NR1H3: variants seen among roughly 807,000 people sequenced by gnomAD.
The protein encoded by NR1H3 is oxysterols receptor LXR-alpha.
NR1H3 carries 19 observed loss-of-function variants against 48.1 expected under a neutral mutation model. That is an observed-to-expected ratio of 0.40 (90% CI 0.28 to 0.58). The LOEUF (loss-of-function observed/expected upper bound fraction) is 0.58, where lower values mean the gene tolerates loss of function less well. NR1H3 is among the 20% of genes least tolerant of loss of function. The probability of loss-of-function intolerance (pLI) is 0.50; values close to 1 mark genes in which losing one functional copy is unlikely to be tolerated. For missense variants in NR1H3, 486 were observed against 595.9 expected (o/e 0.82, Z 1.92); for synonymous variants, 232 against 227.3 (o/e 1.02, Z -0.19).
intron 1 of NR1H3, chr11:47,250,425 A>C (rs1353123399): frequency 5.3e-5 from 8 of 151,686 alleles, no homozygotes; most frequent in Non-Finnish European, 1.2e-4. Flanking sequence ...AGAAGAAAAG[A>C]AAAAAAAAGA....
upstream of NR1H3, chr11:47,248,867 A>C (rs1019469315): frequency 7.1e-6 from 11 of 1,550,618 alleles, no homozygotes; most frequent in African/African-American, 1.4e-4. Flanking sequence ...ACGCACCCGT[A>C]AGGACACACG....
In NR1H3 at chr11:47,260,494, G is replaced by A. The variant is rs747639895; in HGVS notation, c.318G>A (p.Ser106=). The A allele has an allele frequency of 5.0e-6, 8 of 1,614,246 alleles. No homozygotes were observed. Among genetic ancestry groups the A allele is most frequent in the Middle Eastern group, 1.6e-4 (1 of 6,062 alleles). Residue 106 remains serine, a synonymous_variant, in exon 4 of 10, where the codon TCG becomes TCA. Coordinates refer to ENST00000441012, the MANE Select transcript of NR1H3 (RefSeq NM_005693.4). ...GCAGCGTGTGTGGGGACAAGGCCTCGGGCTTCCACTACAATGTTCTGAGCT... is the reference window on the plus strand; with the variant it reads ...GCAGCGTGTGTGGGGACAAGGCCTCAGGCTTCCACTACAATGTTCTGAGCT... The part of the protein sequence containing the change: ...ELCSVCGDKA[S]GFHYNVLSCE...
upstream of NR1H3, chr11:47,257,650 G>C: frequency 2.0e-6 from 2 of 985,648 alleles, no homozygotes; most frequent in Non-Finnish European, 2.4e-6. Context: ...CTATGGAGGG[G>C]AGGGAACACG....
At chr11:47,254,617 G>A (rs1484158347), upstream of NR1H3, among the ~76,000 whole-genome samples, 3 of 152,128 alleles carry the variant, frequency 2.0e-5, no homozygotes, top group Non-Finnish European at 2.9e-5. Flanking sequence ...GGGAACAAAA[G>A]CAAAAGCTGG....
chr11:47,263,630 T>G (rs1032722941), intron 7 of NR1H3, among the ~76,000 whole-genome samples: 1 of 146,752 alleles, frequency 6.8e-6, no homozygotes, highest in African/African-American at 2.5e-5. Flanking sequence ...TTGAGATGGA[T>G]TCTCACTCTG....
At chr11:47,252,084 A>G (rs1300271290) in intron 1 of NR1H3, among the ~76,000 whole-genome samples, 2 of 152,008 alleles carry the variant, frequency 1.3e-5, no homozygotes, top group Non-Finnish European at 2.9e-5. Flanking sequence ...AAAAAAACAC[A>G]TGTAGATAGA....
chr11:47,258,296 G>A, intron 1 of NR1H3, 167 bp downstream of exon 1: 1 of 673,142 alleles, frequency 1.5e-6, no homozygotes, highest in Non-Finnish European at 1.8e-6. Flanking sequence ...TAACTCATGA[G>A]GGGCTCAGGG....
chr11:47,260,074 C>G (rs1012859749), intron 3 of NR1H3, 95 bp downstream of exon 3: 16 of 1,139,768 alleles, frequency 1.4e-5, no homozygotes, highest in Non-Finnish European at 1.9e-5. Flanking sequence ...TATATATAAT[C>G]TCATGGTTAA....
chr11:47,256,942 G>A (rs1465998711), upstream of NR1H3, among the ~76,000 whole-genome samples: 2 of 152,050 alleles, frequency 1.3e-5, no homozygotes, highest in East Asian at 3.9e-4. Flanking sequence ...GTGTTAGCCA[G>A]GATGGTCTCG....
At position 47,259,981 on chromosome 11, in the gene NR1H3, T is replaced by C; in HGVS notation, c.232+2T>C. 1 of 1,513,988 alleles carries C rather than the reference T, an allele frequency of 6.6e-7. No individual in the cohort carries two copies. The highest frequency in any genetic ancestry group is 8.8e-7 in the Non-Finnish European group (1 of 1,133,874). The allele number at this position is 1,513,988 out of a possible 1,614,324, so 93.8% of individuals were successfully genotyped here. A position where few individuals can be genotyped will look rare whatever the true frequency, so the allele number is the denominator to read the frequency against. On this transcript the variant is annotated splice_donor_variant, in intron 3 of 9. Coordinates refer to ENST00000441012, the MANE Select transcript of NR1H3 (RefSeq NM_005693.4). LOFTEE classifies it high-confidence loss of function. ...CAGAGCCCCCTTCAGAACCCACAGGTGAGGAGCTTCTGGGTTTGGAGGAGG... is the reference window on the plus strand; with the variant it reads ...CAGAGCCCCCTTCAGAACCCACAGGCGAGGAGCTTCTGGGTTTGGAGGAGG...
chr11:47,259,266 T>C lies in NR1H3; in HGVS notation c.43+7T>C. The stretch of plus-strand genomic sequence containing the variant: ...GTGCCTGACATTCCTCCTGGTAAGC[T>C]TCATTCCATCCCTCTCCCCTGAGCC... On this transcript the variant is annotated splice_region_variant and intron_variant, in intron 2 of 9. Coordinates refer to ENST00000441012, the MANE Select transcript of NR1H3 (RefSeq NM_005693.4). The C allele has an allele frequency of 1.2e-6, 2 of 1,614,124 alleles. No individual in the cohort carries two copies. The highest frequency in any genetic ancestry group is 1.7e-6 in the Non-Finnish European group (2 of 1,180,008).
chr11:47,255,593 CTT>C (rs530303031), upstream of NR1H3, among the ~76,000 whole-genome samples: 6,890 of 83,546 alleles, frequency 0.082, 162 homozygotes, highest in East Asian at 0.12. Context: ...TTCTTTCTTT[CTT>C]TCTCTCTCTC....
At chr11:47,255,943 A>G (rs556162196), upstream of NR1H3, among the ~76,000 whole-genome samples, 32 of 151,502 alleles carry the variant, frequency 2.1e-4, no homozygotes, top group Middle Eastern at 3.4e-3. Flanking sequence ...TGCTGGGATT[A>G]CAGGCATGAG....
chr11:47,259,764 C>T (rs748264077), intron 2 of NR1H3, 27 bp from the exon 3 acceptor site: 2 of 1,611,680 alleles, frequency 1.2e-6, no homozygotes, highest in South Asian at 1.1e-5. Flanking sequence ...GCCTGAGACC[C>T]CCTTGTGCCT....
rs1957771920 is a variant in NR1H3 at position 47,268,872 on chromosome 11, G to A, written c.*176G>A. On this transcript the variant is annotated 3_prime_UTR_variant, in exon 10 of 10. Transcript: ENST00000441012. Reference sequence around the variant, plus strand: ...GCGAGTTTTGTGGCTACTGAGCAGTGGAGCCCTCGCTAACACTGTGCTGTG... The same window carrying A: ...GCGAGTTTTGTGGCTACTGAGCAGTAGAGCCCTCGCTAACACTGTGCTGTG... The A allele has an allele frequency of 8.7e-5, 63 of 722,628 alleles. No individual in the cohort carries two copies. In the South Asian group the frequency reaches 1.1e-3, roughly 12 times the overall value. 44.8% of individuals were successfully genotyped at this position (722,628 alleles called of 1,614,324 possible).
intron 1 of NR1H3, chr11:47,249,029 T>A (rs1954374055): frequency 1.4e-6 from 2 of 1,461,752 alleles, no homozygotes; most frequent in South Asian, 2.7e-5. Context: ...CAGACAGGGC[T>A]CGAAGACCTC....
chr11:47,248,799 A>C, upstream of NR1H3: 1 of 1,583,082 alleles, frequency 6.3e-7, no homozygotes, highest in Non-Finnish European at 8.6e-7. Flanking sequence ...TCACCGTTGT[A>C]ATCTATGCAG....
intron 7 of NR1H3, among the ~76,000 whole-genome samples, chr11:47,265,254 C>T (rs1436708698): frequency 6.6e-6 from 1 of 152,088 alleles, no homozygotes; most frequent in Non-Finnish European, 1.5e-5. Context: ...GATCGCGCCA[C>T]TGCACTCCAG....
chr11:47,255,659 C>G (rs1267881206), upstream of NR1H3, among the ~76,000 whole-genome samples: 2 of 145,526 alleles, frequency 1.4e-5, no homozygotes, highest in African/African-American at 5.2e-5. Flanking sequence ...CTCTTTCTCT[C>G]TCTCTCTCTC....
Sources: gnomAD v4.1 joint callset for allele counts (sites outside exome capture counted in the v4.1 genomes callset) on GRCh38, gnomAD v4.1.1 for gene constraint, MANE v1.5 for transcripts, NCBI Gene and HGNC (gene_info 2026-07-23, HGNC 2026-07-21) for gene names.